C1GALT1: variants seen among roughly 807,000 people sequenced by gnomAD.
C1GALT1 encodes the protein glycoprotein-N-acetylgalactosamine 3-beta-galactosyltransferase 1.
A neutral mutation model predicts 31.0 loss-of-function variants in C1GALT1; 11 were observed. The ratio of observed to expected loss-of-function variants is 0.36; its 90% CI spans 0.22 to 0.59. The LOEUF is 0.59. Ranked by LOEUF, C1GALT1 falls within the 20% of genes least tolerant of loss-of-function variation. The probability of loss-of-function intolerance (pLI) is 0.79; values close to 1 mark genes in which losing one functional copy is unlikely to be tolerated. For missense variants in C1GALT1, 424 were observed against 425.2 expected, an observed-to-expected ratio of 1.00 and a Z score of 0.03; for synonymous variants, 175 against 143.6, an observed-to-expected ratio of 1.22 and a Z score of -1.56.
intron 1 of C1GALT1, among the ~76,000 whole-genome samples, chr7:7,218,054 A>C (rs1219887683): frequency 6.6e-6 from 1 of 152,226 alleles, no homozygotes; most frequent in Non-Finnish European, 1.5e-5. Context: ...TGAAGGAATA[A>C]GGAAAAATTT....
rs1237626679 is a variant in C1GALT1, at chr7:7,247,077, G to A, written c.*3350G>A. 6.6e-6 allele frequency: 1 copy of A among 151,976 alleles called. No individual in the cohort carries two copies. The highest frequency in any genetic ancestry group is 1.9e-4 in the East Asian group (1 of 5,182). The allele number at this position is 151,976 out of a possible 1,614,324, so 9.4% of individuals were successfully genotyped here. A position where few individuals can be genotyped will look rare whatever the true frequency, so the allele number is the denominator to read the frequency against. The stretch of plus-strand genomic sequence containing the variant: ...AAACATACATAAGTGTCATCAAAAA[G>A]GTCCACAATTGTTAGTAAAAAAAAT... On this transcript the variant is annotated 3_prime_UTR_variant, in exon 4 of 4. Transcript: ENST00000436587.
intron 1 of C1GALT1, among the ~76,000 whole-genome samples, chr7:7,223,798 C>T (rs1048422901): frequency 4.0e-5 from 6 of 151,326 alleles, no homozygotes; most frequent in African/African-American, 1.2e-4. Flanking sequence ...ATTTCCAGTA[C>T]TATATTGAGT....
At chr7:7,208,084 G>T (rs1041719681) in intron 1 of C1GALT1, among the ~76,000 whole-genome samples, 2 of 152,072 alleles carry the variant, frequency 1.3e-5, no homozygotes, top group Non-Finnish European at 2.9e-5. Flanking sequence ...TTATCCCTTT[G>T]TCCATCATAT....
At chr7:7,201,947 C>T (rs1333227910) in intron 1 of C1GALT1, among the ~76,000 whole-genome samples, 1 of 152,226 alleles carries the variant, frequency 6.6e-6, no homozygotes, top group Non-Finnish European at 1.5e-5. Context: ...ATTCCACTGG[C>T]AGCTCTCCCC....
intron 1 of C1GALT1, among the ~76,000 whole-genome samples, chr7:7,196,099 A>G (rs1472904724): frequency 1.3e-5 from 2 of 152,112 alleles, no homozygotes; most frequent in African/African-American, 4.8e-5. Context: ...GTTCTAGGGT[A>G]CATGTGCACA....
intron 2 of C1GALT1, among the ~76,000 whole-genome samples, chr7:7,176,370 T>G (rs982345394): frequency 6.6e-6 from 1 of 152,242 alleles, no homozygotes; most frequent in African/African-American, 2.4e-5. Context: ...ACATATACAT[T>G]TATAAATAAT....
chr7:7,197,545 G>C (rs1781348134), intron 1 of C1GALT1, among the ~76,000 whole-genome samples: 1 of 152,124 alleles, frequency 6.6e-6, no homozygotes, highest in Non-Finnish European at 1.5e-5. Context: ...GGTTCCATAT[G>C]AACTTTAAAG....
chr7:7,195,451 GTTAT>G (rs1781242420), intron 1 of C1GALT1, among the ~76,000 whole-genome samples: 1 of 152,088 alleles, frequency 6.6e-6, no homozygotes, highest in Non-Finnish European at 1.5e-5. Flanking sequence ...TCAGGAGTAG[GTTAT>G]TTAATTTCCA....
At chr7:7,211,104 G>A (rs992229171) in intron 1 of C1GALT1, among the ~76,000 whole-genome samples, 3 of 152,098 alleles carry the variant, frequency 2.0e-5, no homozygotes, top group East Asian at 3.9e-4. Flanking sequence ...AAGGATCCTC[G>A]GAAGAATGGC....
chr7:7,187,045 G>C (rs1376640276), intron 1 of C1GALT1, among the ~76,000 whole-genome samples: 1 of 152,184 alleles, frequency 6.6e-6, no homozygotes, highest in Non-Finnish European at 1.5e-5. Flanking sequence ...GAAGGGGAAA[G>C]TTGGTTAGAA....
intron 2 of C1GALT1, among the ~76,000 whole-genome samples, chr7:7,163,740 C>T (rs1383225376): frequency 2.0e-5 from 3 of 152,114 alleles, no homozygotes; most frequent in African/African-American, 4.8e-5. Flanking sequence ...AATAAAATAC[C>T]TAGGAATCCA....
At chr7:7,230,349 G>GT (rs546901796) in intron 1 of C1GALT1, among the ~76,000 whole-genome samples, 69 of 151,820 alleles carry the variant, frequency 4.5e-4, no homozygotes, top group Non-Finnish European at 6.0e-4. Context: ...GTAACTACTA[G>GT]TTTTTTTTGT....
chr7:7,207,184 C>G (rs1781777062), intron 1 of C1GALT1, among the ~76,000 whole-genome samples: 1 of 152,014 alleles, frequency 6.6e-6, no homozygotes, highest in East Asian at 1.9e-4. Context: ...GTTCTCTCTT[C>G]AAGTTCACTG....
intron 1 of C1GALT1, among the ~76,000 whole-genome samples, chr7:7,214,311 C>G (rs185067623): frequency 2.6e-5 from 4 of 152,186 alleles, no homozygotes; most frequent in Admixed American, 2.6e-4. Context: ...GAGTTCCATG[C>G]TACCAGAAGT....
intron 2 of C1GALT1, among the ~76,000 whole-genome samples, chr7:7,174,834 C>G (rs1358207714): frequency 6.6e-6 from 1 of 151,960 alleles, no homozygotes; most frequent in African/African-American, 2.4e-5. Context: ...TCATCTTGTT[C>G]ATACATCATT....
At chr7:7,216,350 G>C (rs1326057256) in intron 1 of C1GALT1, among the ~76,000 whole-genome samples, 3 of 152,096 alleles carry the variant, frequency 2.0e-5, no homozygotes, top group African/African-American at 7.2e-5. Context: ...CTCCCCCATG[G>C]TTGTAGGCAT....
chr7:7,201,153 T>C (rs894311606), intron 1 of C1GALT1, among the ~76,000 whole-genome samples: 5 of 152,238 alleles, frequency 3.3e-5, no homozygotes, highest in Non-Finnish European at 5.9e-5. Context: ...CTTTGGTCTT[T>C]GATGATGGTG....
At chr7:7,192,910 G>A (rs114976664) in intron 1 of C1GALT1, among the ~76,000 whole-genome samples, 6 of 152,176 alleles carry the variant, frequency 3.9e-5, no homozygotes, top group African/African-American at 1.2e-4. Context: ...AATTAGTTGT[G>A]TTGAACATGT....
intron 1 of C1GALT1, among the ~76,000 whole-genome samples, chr7:7,217,365 C>G (rs192933407): frequency 0.026 from 3,862 of 151,022 alleles, 142 homozygotes; most frequent in African/African-American, 0.089. Context: ...CTACCTGCCC[C>G]CACCTTTTTT....
Sources: gnomAD v4.1 joint callset for allele counts (sites outside exome capture counted in the v4.1 genomes callset) on GRCh38, gnomAD v4.1.1 for gene constraint, MANE v1.5 for transcripts, NCBI Gene and HGNC (gene_info 2026-07-23, HGNC 2026-07-21) for gene names.